Variants in TMED8 observed in about 807,000 individuals in gnomAD.
TMED8 encodes protein TMED8.
In TMED8, 15 loss-of-function variants were observed where a neutral mutation model predicts 32.7. The ratio of observed to expected loss-of-function variants is 0.46; its 90% CI spans 0.31 to 0.71. The LOEUF is 0.71. Among genes scored for constraint, TMED8 ranks in the 30% least tolerant of loss-of-function variants. TMED8 has a pLI of 0.06. For synonymous variants in TMED8, 147 were observed against 161.4 expected, an observed-to-expected ratio of 0.91 and a Z score of 0.68; for missense variants, 390 against 423.9, an observed-to-expected ratio of 0.92 and a Z score of 0.70.
Position 77,341,844 on chromosome 14 carries a change from A to C in TMED8, c.905T>G (p.Leu302Arg). The change falls in exon 6 of 6, where the codon CTG becomes CGG. Residue 302 changes from leucine (L) to arginine (R), a missense_variant. Transcript: ENST00000216468. ...SHDYPGEGIYLLKFDNSYSLL... is the reference protein window; with the variant it reads ...SHDYPGEGIYRLKFDNSYSLL... ...GGAGTAGGAGTTGTCGAACTTGAGC[A>C]GGTAGATGCCCTCACCAGGGTAGTC... The C allele has an allele frequency of 6.2e-7, 1 of 1,613,174 alleles. No individual in the cohort carries two copies. Among genetic ancestry groups the C allele is most frequent in the Non-Finnish European group, 8.5e-7 (1 of 1,179,918 alleles).
intron 1 of TMED8, among the ~76,000 whole-genome samples, chr14:77,364,564 G>A (rs559691355): frequency 1.1e-4 from 17 of 150,938 alleles, no homozygotes; most frequent in African/African-American, 4.1e-4. Flanking sequence ...GTCTCACTGT[G>A]TTGCCCAGGC....
At position 77,341,314 on chromosome 14, in the gene TMED8, TG is replaced by T. The variant is rs1892891795; in HGVS notation, c.*456del. On this transcript the variant is annotated 3_prime_UTR_variant, in exon 6 of 6. Transcript: ENST00000216468. ...GATAGAGCTTTCTCCAACCAAAAGA[TG>T]GGGCTCCTTCATGGGCAATGTGCTT... The T allele has an allele frequency of 5.7e-6, 1 of 175,556 alleles. No individual in the cohort carries two copies. The highest frequency in any genetic ancestry group is 5.6e-5 in the Admixed American group (1 of 18,006). The allele number at this position is 175,556 out of a possible 1,614,324, so 10.9% of individuals were successfully genotyped here.
intron 1 of TMED8, among the ~76,000 whole-genome samples, chr14:77,372,921 TATATATATATATATATATATATATATATA>T (rs1566696235): frequency 3.4e-4 from 7 of 20,850 alleles, no homozygotes; most frequent in Non-Finnish European, 6.1e-4. Flanking sequence ...TATATATATA[TATATATATATATATATATATATATATATA>T]TATTTTTTTT....
rs1257771070 is a variant in TMED8 at position 77,343,880 on chromosome 14, CTT to C, written c.328-59_328-58del. On this transcript the variant is annotated intron_variant, in intron 3 of 5. Transcript: ENST00000216468. ...TCGAGTGGCAGATTCTAATTAATCT[CTT>C]TTTGCATGAAGGCTGCCCCACCCCT... 1.9e-5 allele frequency: 30 copies of C among 1,571,778 alleles called. No individual in the cohort carries two copies. The East Asian group carries it at 6.8e-4, about 36-fold the overall frequency.
chr14:77,348,472 C>G (rs1360215044), intron 2 of TMED8, among the ~76,000 whole-genome samples: 3 of 152,186 alleles, frequency 2.0e-5, no homozygotes, highest in African/African-American at 7.2e-5. Flanking sequence ...ATCCACCCAC[C>G]TTGGCCTCCC....
chr14:77,351,206 G>A (rs1050902243), intron 2 of TMED8, among the ~76,000 whole-genome samples: 1 of 151,782 alleles, frequency 6.6e-6, no homozygotes, highest in Non-Finnish European at 1.5e-5. Context: ...TAAATCCCTG[G>A]CCCGGCGCGG....
chr14:77,371,330 C>G (rs1472313878), intron 1 of TMED8, among the ~76,000 whole-genome samples: 2 of 152,194 alleles, frequency 1.3e-5, no homozygotes, highest in Non-Finnish European at 2.9e-5. Context: ...AGTGAGTTAG[C>G]AAACTACCAA....
In TMED8 at chr14:77,341,961, C is replaced by A; in HGVS notation, c.788G>T (p.Arg263Ile). The stretch of plus-strand genomic sequence containing the variant: ...ACCCCGCAAGGAGCTCCTGGAGCCT[C>A]TCTCCACATCTCCAGCTGGAACGGG... ...EEPVPAGDVE[R>I]GSRSSLRGRY... The change falls in exon 6 of 6, where the codon AGA becomes ATA. Residue 263 changes from arginine (R) to isoleucine (I), a missense_variant. Arg to Ile is a moderately conservative substitution (Grantham distance 97). Coordinates refer to ENST00000216468, the MANE Select transcript of TMED8 (RefSeq NM_213601.3). 3.1e-6 allele frequency: 5 copies of A among 1,614,080 alleles called. No individual in the cohort carries two copies. Among genetic ancestry groups the A allele is most frequent in the Non-Finnish European group, 4.2e-6 (5 of 1,180,038 alleles).
At chr14:77,365,265 T>G (rs1345085519) in intron 1 of TMED8, among the ~76,000 whole-genome samples, 2 of 152,184 alleles carry the variant, frequency 1.3e-5, no homozygotes, top group African/African-American at 4.8e-5. Flanking sequence ...ATATTCCATG[T>G]AGGGAATATA....
intron 2 of TMED8, among the ~76,000 whole-genome samples, chr14:77,348,414 G>A (rs756639032): frequency 5.9e-5 from 9 of 151,992 alleles, no homozygotes; most frequent in African/African-American, 1.9e-4. Flanking sequence ...TAGTAGAGAC[G>A]TGGTTTCACC....
At chr14:77,361,452 C>G (rs1893432452) in intron 1 of TMED8, among the ~76,000 whole-genome samples, 1 of 152,118 alleles carries the variant, frequency 6.6e-6, no homozygotes, top group Admixed American at 6.6e-5. Context: ...TATACTAGCA[C>G]CATACTGTTT....
intron 1 of TMED8, among the ~76,000 whole-genome samples, chr14:77,358,624 T>A (rs894238693): frequency 2.6e-5 from 4 of 152,180 alleles, no homozygotes; most frequent in Admixed American, 2.6e-4. Context: ...AACCTAACTT[T>A]AATTCTATAT....
intron 1 of TMED8, chr14:77,359,342 C>T (rs2139623188): frequency 5.2e-6 from 1 of 191,078 alleles, no homozygotes; most frequent in South Asian, 8.9e-5. Flanking sequence ...CAGGCCTCGC[C>T]CTATTTACCT....
intron 1 of TMED8, among the ~76,000 whole-genome samples, chr14:77,369,924 C>A (rs1038764310): frequency 6.6e-6 from 1 of 152,058 alleles, no homozygotes; most frequent in Non-Finnish European, 1.5e-5. Flanking sequence ...GTAAGGGAGG[C>A]GGAGGCGGGA....
intron 1 of TMED8, among the ~76,000 whole-genome samples, chr14:77,352,133 CTA>C (rs1491159489): frequency 6.6e-6 from 1 of 151,580 alleles, no homozygotes; most frequent in Non-Finnish European, 1.5e-5. Flanking sequence ...GACCCTGTCT[CTA>C]AAAAAAATTA....
At chr14:77,369,416 C>G (rs1486953464) in intron 1 of TMED8, among the ~76,000 whole-genome samples, 1 of 152,198 alleles carries the variant, frequency 6.6e-6, no homozygotes, top group Non-Finnish European at 1.5e-5. Flanking sequence ...TTAGCTGTTT[C>G]TGAAGCTGAG....
intron 1 of TMED8, among the ~76,000 whole-genome samples, chr14:77,365,073 AATG>A (rs1323119094): frequency 8.5e-5 from 13 of 152,310 alleles, no homozygotes; most frequent in Non-Finnish European, 1.3e-4. Flanking sequence ...TCCACTCAAC[AATG>A]ATATTTATCC....
chr14:77,343,961 C>T, intron 3 of TMED8, 138 bp from the exon 4 acceptor site: 1 of 779,816 alleles, frequency 1.3e-6, no homozygotes, highest in Non-Finnish European at 1.9e-6. Flanking sequence ...GTCAATGTTC[C>T]TTCTCTTTCT....
Position 77,338,283 on chromosome 14 carries a change from G to T in TMED8, c.*3488C>A, listed in dbSNP as rs1447397910. 1 of 152,162 alleles carries T rather than the reference G, an allele frequency of 6.6e-6. No homozygotes were observed. 9.4% of individuals were successfully genotyped at this position (152,162 alleles called of 1,614,324 possible). ...AAATGGCCCTACAAAGCTGTCTCTTGTGGGGGAAACTGCATTCTGTAGAGA... is the reference window on the plus strand; with the variant it reads ...AAATGGCCCTACAAAGCTGTCTCTTTTGGGGGAAACTGCATTCTGTAGAGA... On this transcript the variant is annotated 3_prime_UTR_variant, in exon 6 of 6. Transcript: ENST00000216468.
Sources: allele counts gnomAD v4.1 joint callset (sites outside exome capture counted in the v4.1 genomes callset), GRCh38; gene constraint gnomAD v4.1.1; transcripts MANE v1.5; gene names NCBI Gene and HGNC (gene_info 2026-07-23, HGNC 2026-07-21).